EEF2K: variants seen among roughly 807,000 people sequenced by gnomAD.
EEF2K encodes the protein alternative protein EEF2K.
In EEF2K, 70 loss-of-function variants were observed where a neutral mutation model predicts 93.8. That is an observed-to-expected ratio of 0.75 (90% CI 0.62 to 0.91). The LOEUF (loss-of-function observed/expected upper bound fraction) is 0.91. Ranked by LOEUF, EEF2K falls within the 40% of genes least tolerant of loss-of-function variation. EEF2K has a pLI of 0.00. For missense variants in EEF2K, 935 were observed against 972.9 expected, an observed-to-expected ratio of 0.96 and a Z score of 0.52; for synonymous variants, 376 against 380.8, an observed-to-expected ratio of 0.99 and a Z score of 0.15.
chr16:22,240,579 A>G (rs560113929), intron 2 of EEF2K, among the ~76,000 whole-genome samples: 96 of 152,288 alleles, frequency 6.3e-4, no homozygotes, highest in African/African-American at 2.2e-3. Flanking sequence ...ACATTATTCA[A>G]TTGGAGGTTA....
At chr16:22,218,936 T>TAAAAAAAAAAAAAA (rs11370005) in intron 1 of EEF2K, among the ~76,000 whole-genome samples, 1 of 111,976 alleles carries the variant, frequency 8.9e-6, no homozygotes. Flanking sequence ...ACAAAAAAAT[T>TAAAAAAAAAAAAAA]AAAAAAAAAA....
At chr16:22,273,803 G>A (rs1414578489) in intron 16 of EEF2K, 53 bp downstream of exon 16, 10 of 1,600,340 alleles carry the variant, frequency 6.2e-6, no homozygotes, top group Middle Eastern at 2.2e-4. Context: ...CTGCAGGTGG[G>A]CGCTTGTCCT....
Position 22,258,569 on chromosome 16 carries a change from C to G in EEF2K, c.1105C>G (p.Arg369Gly). ...CCAAGTAAGGACCCTCTCTGGGAGC[C>G]GGCCACCCCTGCTCCGTCCCCTTTC... ...SPQVRTLSGS[R>G]PPLLRPLSEN... The change falls in exon 10 of 18, where the codon CGG (arginine) becomes GGG (glycine). Residue 369 changes from arginine to glycine, a missense_variant. Arg to Gly is a moderately radical substitution (Grantham distance 125). Coordinates refer to ENST00000263026, the MANE Select transcript of EEF2K (RefSeq NM_013302.5). 1 of 1,614,052 alleles carries G rather than the reference C, an allele frequency of 6.2e-7. No homozygotes were observed. Among genetic ancestry groups the G allele is most frequent in the Non-Finnish European group, 8.5e-7 (1 of 1,180,012 alleles).
At chr16:22,217,478 C>T (rs1213978701) in intron 1 of EEF2K, among the ~76,000 whole-genome samples, 1 of 152,112 alleles carries the variant, frequency 6.6e-6, no homozygotes, top group Non-Finnish European at 1.5e-5. Flanking sequence ...GAGTCTCACT[C>T]TGTCGCCCAG....
At chr16:22,278,760 C>T (rs2047665047) in intron 16 of EEF2K, among the ~76,000 whole-genome samples, 1 of 152,084 alleles carries the variant, frequency 6.6e-6, no homozygotes, top group Non-Finnish European at 1.5e-5. Flanking sequence ...AAAAAGAGCC[C>T]TCCGCCCTGT....
At chr16:22,228,110 T>A (rs2047082176) in intron 2 of EEF2K, among the ~76,000 whole-genome samples, 1 of 146,726 alleles carries the variant, frequency 6.8e-6, no homozygotes, top group Non-Finnish European at 1.5e-5. Context: ...ACCTCCCAGG[T>A]TCAAGCAAGA....
intron 1 of EEF2K, among the ~76,000 whole-genome samples, chr16:22,215,344 G>A (rs1366874155): frequency 6.6e-6 from 1 of 152,152 alleles, no homozygotes; most frequent in African/African-American, 2.4e-5. Flanking sequence ...TGCCTCAGAG[G>A]CACCTGCAGA....
chr16:22,215,512 A>G (rs74324880), intron 1 of EEF2K, among the ~76,000 whole-genome samples: 6,195 of 152,286 alleles, frequency 0.041, 185 homozygotes, highest in Non-Finnish European at 0.062. Flanking sequence ...TTCTCTCAAT[A>G]GTTTAAATAA....
At position 22,263,178 on chromosome 16, in the gene EEF2K, C is replaced by A. The variant is rs749318252; in HGVS notation, c.1368C>A (p.Pro456=). The A allele has an allele frequency of 5.0e-6, 8 of 1,611,400 alleles. No homozygotes were observed. Among genetic ancestry groups the A allele is most frequent in the Non-Finnish European group, 5.9e-6 (7 of 1,178,776 alleles). ...EKRGELDDPE[P]REHGHSYSNR... The stretch of plus-strand genomic sequence containing the variant: ...GGGGTGAGCTGGATGACCCTGAGCC[C>A]CGAGAACATGTAAGGAACCCCCAGG... Residue 456 remains proline, a synonymous_variant, in exon 12 of 18, where the codon CCC becomes CCA. Transcript: ENST00000263026.
In EEF2K at chr16:22,257,632, T is replaced by C. The variant is rs2047417488; in HGVS notation, c.902-11T>C. The C allele has an allele frequency of 1.2e-6, 2 of 1,611,994 alleles. No homozygotes were observed. Among genetic ancestry groups the C allele is most frequent in the African/African-American group, 2.7e-5 (2 of 74,922 alleles). On this transcript the variant is annotated splice_polypyrimidine_tract_variant and intron_variant, in intron 8 of 17. Coordinates refer to ENST00000263026, the MANE Select transcript of EEF2K (RefSeq NM_013302.5). ...AAAGCAACACTCCAGACACCCCCGC[T>C]CTGTCCACAGGTGTCCGCGGGATGG...
chr16:22,238,528 C>A (rs1036554549), intron 2 of EEF2K, among the ~76,000 whole-genome samples: 4 of 151,878 alleles, frequency 2.6e-5, no homozygotes, highest in African/African-American at 9.7e-5. Context: ...CACCCATAGT[C>A]CCAGCTACCT....
At chr16:22,241,127 T>G (rs2047218158) in intron 2 of EEF2K, among the ~76,000 whole-genome samples, 1 of 152,100 alleles carries the variant, frequency 6.6e-6, no homozygotes, top group Non-Finnish European at 1.5e-5. Flanking sequence ...TTTTGCAGAA[T>G]GTCTACATCA....
chr16:22,234,519 T>C (rs1174851384), intron 2 of EEF2K, among the ~76,000 whole-genome samples: 1 of 151,030 alleles, frequency 6.6e-6, no homozygotes, highest in African/African-American at 2.4e-5. Context: ...ATCGCACCAC[T>C]GCACTCCAGC....
chr16:22,210,788 A>G (rs2046906871), intron 1 of EEF2K, among the ~76,000 whole-genome samples: 1 of 152,102 alleles, frequency 6.6e-6, no homozygotes, highest in African/African-American at 2.4e-5. Context: ...AGTAGGGAGG[A>G]CAGGCTGGGG....
chr16:22,250,787 C>T, intron 5 of EEF2K, 96 bp downstream of exon 5: 2 of 1,506,396 alleles, frequency 1.3e-6, no homozygotes, highest in Non-Finnish European at 1.8e-6. Context: ...AGGAATGGAG[C>T]CAGGGGCCTC....
Position 22,244,649 on chromosome 16 carries a change from T to G in EEF2K, c.266T>G (p.Ile89Ser). ...CCACAGGAAGCCTGGAAGCACGCAATCCAGAAGGCCAAGCACATGCCCGAC... is the reference window on the plus strand; with the variant it reads ...CCACAGGAAGCCTGGAAGCACGCAAGCCAGAAGGCCAAGCACATGCCCGAC... ...FHFKEAWKHA[I>S]QKAKHMPDPW... is the part of the protein sequence containing the mutation. Residue 89 changes from isoleucine to serine, a missense_variant, in exon 3 of 18, where the codon ATC (isoleucine) becomes AGC (serine). Ile to Ser is a moderately radical substitution (Grantham distance 142). Transcript: ENST00000263026. 1 of 1,613,974 alleles carries G rather than the reference T, an allele frequency of 6.2e-7. No individual in the cohort carries two copies. The highest frequency in any genetic ancestry group is 8.5e-7 in the Non-Finnish European group (1 of 1,179,920).
chr16:22,213,992 C>T (rs1052764144), intron 1 of EEF2K, among the ~76,000 whole-genome samples: 3 of 152,202 alleles, frequency 2.0e-5, no homozygotes, highest in Non-Finnish European at 4.4e-5. Context: ...ATGTAGCCAT[C>T]TTAGGGGAGC....
chr16:22,251,166 C>T lies in EEF2K; in HGVS notation c.462C>T (p.Asn154=). 2 of 1,613,950 alleles carry T rather than the reference C, an allele frequency of 1.2e-6. No homozygotes were observed. The highest frequency in any genetic ancestry group is 2.2e-5 in the South Asian group (2 of 91,050). Residue 154 remains asparagine (N), a synonymous_variant, in exon 6 of 18, where the codon AAC becomes AAT. Transcript: ENST00000263026. The stretch of plus-strand genomic sequence containing the variant: ...CTTCCCACAGGAAGAAGCTCTCCAA[C>T]TTCTTGCATGCCCAGCAGTGGAAGG... ...RECFRTKKLS[N]FLHAQQWKGA...
At chr16:22,239,959 T>A (rs1473854587) in intron 2 of EEF2K, among the ~76,000 whole-genome samples, 1 of 151,882 alleles carries the variant, frequency 6.6e-6, no homozygotes, top group Non-Finnish European at 1.5e-5. Flanking sequence ...AATAATTAGC[T>A]GGGCGTGGTG....
Sources: allele counts gnomAD v4.1 joint callset (sites outside exome capture counted in the v4.1 genomes callset), GRCh38; gene constraint gnomAD v4.1.1; transcripts MANE v1.5; gene names NCBI Gene and HGNC (gene_info 2026-07-23, HGNC 2026-07-21).